AGMO: variants seen among roughly 807,000 people sequenced by gnomAD.
AGMO encodes glyceryl-ether monooxygenase.
Under a neutral mutation model 60.2 loss-of-function variants are expected in AGMO, and 75 were observed. That is an observed-to-expected ratio of 1.25 (90% CI 1.03 to 1.51). The LOEUF (loss-of-function observed/expected upper bound fraction) is 1.51. Ranked by LOEUF, AGMO falls within the 40% of genes most tolerant of loss-of-function variation. The pLI, the probability that AGMO is intolerant of heterozygous loss-of-function variation, is 0.00. For synonymous variants in AGMO, 261 were observed against 177.1 expected (o/e 1.47, Z -3.76); for missense variants, 763 against 525.5 (o/e 1.45, Z -4.42).
At chr7:15,385,863 T>C (rs527886352) in intron 9 of AGMO, among the ~76,000 whole-genome samples, 8 of 152,120 alleles carry the variant, frequency 5.3e-5, no homozygotes, top group Non-Finnish European at 1.2e-4. Context: ...CGATCACATC[T>C]GGCGGCAAAA....
chr7:15,340,867 G>A (rs984356286), intron 12 of AGMO, among the ~76,000 whole-genome samples: 4 of 152,158 alleles, frequency 2.6e-5, no homozygotes, highest in African/African-American at 9.6e-5. Context: ...GTGGAGCTGT[G>A]AGAAGAGGGC....
chr7:15,411,515 T>C (rs1780604741), intron 5 of AGMO, among the ~76,000 whole-genome samples: 1 of 151,984 alleles, frequency 6.6e-6, no homozygotes, highest in Non-Finnish European at 1.5e-5. Flanking sequence ...GTAATGTAAG[T>C]TGTTTTTTTA....
chr7:15,272,915 T>C (rs987715049), intron 12 of AGMO, among the ~76,000 whole-genome samples: 16 of 152,348 alleles, frequency 1.1e-4, no homozygotes, highest in Middle Eastern at 6.8e-3. Context: ...CATGTGTCTG[T>C]TGGCTGCATA....
intron 3 of AGMO, among the ~76,000 whole-genome samples, chr7:15,535,413 T>G (rs1279332133): frequency 6.6e-6 from 1 of 151,810 alleles, no homozygotes; most frequent in East Asian, 1.9e-4. Flanking sequence ...AATAAGAAAA[T>G]TGTTTGGTTT....
the AGMO span, among the ~76,000 whole-genome samples, chr7:15,152,863 A>G: frequency 8.5e-5 from 13 of 152,274 alleles, no homozygotes; most frequent in African/African-American, 2.6e-4. Context: ...GATACCTAGT[A>G]GTGGGATTGC....
chr7:15,365,414 G>A lies in AGMO; in HGVS notation c.1263+100C>T, dbSNP rs368855228. On this transcript the variant is annotated intron_variant, in intron 12 of 12. Transcript: ENST00000342526. The stretch of plus-strand genomic sequence containing the variant: ...AAAAAAAGATCAAGATTTCCCACAT[G>A]TACTGGTCAGAAATGAAGTAGAGAA... 5.8e-5 allele frequency: 20 copies of A among 343,266 alleles called. 1 individual carries two copies. Among genetic ancestry groups the A allele is most frequent in the East Asian group, 3.1e-4 (5 of 16,186 alleles). The allele number at this position is 343,266 out of a possible 1,614,324, so 21.3% of individuals were successfully genotyped here.
intron 12 of AGMO, among the ~76,000 whole-genome samples, chr7:15,333,581 A>G (rs1168956184): frequency 6.6e-6 from 1 of 150,488 alleles, no homozygotes; most frequent in Non-Finnish European, 1.5e-5. Context: ...GATACTCTCT[A>G]TAGAGACGAA....
chr7:15,173,756 C>T, the AGMO span, among the ~76,000 whole-genome samples: 15 of 149,608 alleles, frequency 1.0e-4, no homozygotes, highest in East Asian at 1.8e-3. Flanking sequence ...TTTTACATAG[C>T]AAAGAGCCAA....
At chr7:15,486,357 T>TA (rs961990605) in intron 3 of AGMO, among the ~76,000 whole-genome samples, 3 of 152,074 alleles carry the variant, frequency 2.0e-5, no homozygotes, top group African/African-American at 4.8e-5. Context: ...CTGGATTTAT[T>TA]AAAAAAACAT....
intron 12 of AGMO, among the ~76,000 whole-genome samples, chr7:15,313,903 C>G (rs1053483243): frequency 5.3e-5 from 8 of 151,834 alleles, no homozygotes; most frequent in Non-Finnish European, 1.0e-4. Context: ...CCTTGCTGTA[C>G]TATACTCACC....
intron 3 of AGMO, among the ~76,000 whole-genome samples, chr7:15,458,080 T>A (rs1012814557): frequency 6.6e-6 from 1 of 152,136 alleles, no homozygotes; most frequent in Non-Finnish European, 1.5e-5. Flanking sequence ...AGTAGCTATT[T>A]TTTCTGCTGT....
At chr7:15,273,934 T>G (rs533192614) in intron 12 of AGMO, among the ~76,000 whole-genome samples, 42 of 152,128 alleles carry the variant, frequency 2.8e-4, no homozygotes, top group African/African-American at 3.9e-4. Context: ...GTCTGTTATT[T>G]GTGTATAAGA....
intron 12 of AGMO, among the ~76,000 whole-genome samples, chr7:15,342,851 A>G (rs1039457881): frequency 1.3e-5 from 2 of 149,220 alleles, no homozygotes; most frequent in Non-Finnish European, 3.0e-5. Flanking sequence ...ATGACATTGG[A>G]TAAGTTCATT....
chr7:15,377,149 T>C (rs1382193758), intron 10 of AGMO, among the ~76,000 whole-genome samples: 1 of 152,098 alleles, frequency 6.6e-6, no homozygotes, highest in Non-Finnish European at 1.5e-5. Context: ...TGTATGCTTT[T>C]AGACATCCCT....
intron 3 of AGMO, among the ~76,000 whole-genome samples, chr7:15,499,949 T>A (rs982939200): frequency 4.1e-5 from 6 of 147,812 alleles, no homozygotes; most frequent in Admixed American, 3.4e-4. Context: ...ATATATAATA[T>A]ATATATTTTT....
intron 2 of AGMO, among the ~76,000 whole-genome samples, chr7:15,557,512 T>C (rs372086071): frequency 7.8e-4 from 119 of 152,136 alleles, no homozygotes; most frequent in African/African-American, 2.8e-3. Context: ...GATGTCAAAT[T>C]CTTCCTTTTT....
At chr7:15,357,659 G>T (rs1001850719) in intron 12 of AGMO, among the ~76,000 whole-genome samples, 22 of 152,194 alleles carry the variant, frequency 1.4e-4, no homozygotes, top group Admixed American at 2.6e-4. Context: ...CAACTGCAAT[G>T]TACAGAACTT....
chr7:15,119,720 A>C, the AGMO span, among the ~76,000 whole-genome samples: 1 of 152,150 alleles, frequency 6.6e-6, no homozygotes, highest in Non-Finnish European at 1.5e-5. Flanking sequence ...CCATACAATT[A>C]TACTATATGC....
chr7:15,290,941 T>C (rs930861354), intron 12 of AGMO, among the ~76,000 whole-genome samples: 1 of 152,096 alleles, frequency 6.6e-6, no homozygotes, highest in Non-Finnish European at 1.5e-5. Context: ...AGCTAGAAAA[T>C]AATATATTAG....
Sources: allele counts gnomAD v4.1 joint callset (sites outside exome capture counted in the v4.1 genomes callset), GRCh38; gene constraint gnomAD v4.1.1; transcripts MANE v1.5; gene names NCBI Gene and HGNC (gene_info 2026-07-23, HGNC 2026-07-21).